ZNF341: variants seen among roughly 807,000 people sequenced by gnomAD.
ZNF341 encodes the protein zinc finger protein 341.
A neutral mutation model predicts 87.7 loss-of-function variants in ZNF341; 52 were observed. The ratio of observed to expected loss-of-function variants is 0.59; its 90% CI spans 0.47 to 0.75. The LOEUF (loss-of-function observed/expected upper bound fraction) is 0.75. Among genes scored for constraint, ZNF341 ranks in the 30% least tolerant of loss-of-function variants. The probability of loss-of-function intolerance (pLI) is 0.00; values close to 1 mark genes in which losing one functional copy is unlikely to be tolerated. For missense variants in ZNF341, 977 were observed against 1,145.9 expected (o/e 0.85, Z 2.13); for synonymous variants, 459 against 472.7 (o/e 0.97, Z 0.38).
At chr20:33,758,230 C>T (rs1001228677) in intron 6 of ZNF341, among the ~76,000 whole-genome samples, 1 of 152,088 alleles carries the variant, frequency 6.6e-6, no homozygotes, top group Non-Finnish European at 1.5e-5. Context: ...TAGGGAGAGG[C>T]TGGAAAATGA....
chr20:33,758,667 T>G (rs2122678937), intron 6 of ZNF341, 49 bp from the exon 7 acceptor site: 3 of 1,508,294 alleles, frequency 2.0e-6, no homozygotes, highest in Non-Finnish European at 2.8e-6. Context: ...CTTGGTGCCC[T>G]GAGCTGCACC....
chr20:33,772,408 C>T (rs2019551508), intron 10 of ZNF341, among the ~76,000 whole-genome samples: 1 of 152,150 alleles, frequency 6.6e-6, no homozygotes, highest in South Asian at 2.1e-4. Context: ...AATGAGGCCC[C>T]TGTAACTCCT....
intron 10 of ZNF341, among the ~76,000 whole-genome samples, chr20:33,780,164 G>T (rs980942840): frequency 6.6e-6 from 1 of 152,076 alleles, no homozygotes; most frequent in Non-Finnish European, 1.5e-5. Flanking sequence ...GGCACTGCCT[G>T]GGGAAGACTT....
At chr20:33,764,020 CTT>C (rs760255384) in intron 8 of ZNF341, among the ~76,000 whole-genome samples, 9 of 131,180 alleles carry the variant, frequency 6.9e-5, no homozygotes, top group Admixed American at 7.7e-5. Context: ...CCATCTCTCT[CTT>C]TTTTTTTTTT....
At chr20:33,735,789 A>T (rs949253040) in intron 1 of ZNF341, among the ~76,000 whole-genome samples, 1 of 151,842 alleles carries the variant, frequency 6.6e-6, no homozygotes, top group African/African-American at 2.4e-5. Flanking sequence ...CAGGGGCATC[A>T]CTCCAAGGAG....
chr20:33,745,136 A>T lies in ZNF341; in HGVS notation c.176A>T (p.Lys59Met). The change falls in exon 3 of 15, where the codon AAG (lysine) becomes ATG (methionine). Residue 59 changes from lysine to methionine, a missense_variant. Lys to Met is a moderately conservative substitution (Grantham distance 95). This residue lies in a region of ZNF341 where 515 missense variants were observed against 598.2 expected (regional missense o/e 0.86). Transcript: ENST00000375200. The stretch of plus-strand genomic sequence containing the variant: ...GATGTATTTCTCTGCGGGAAGTGTA[A>T]GAAGCAATTCAACTCGCTGCCAGCG... ...DEDVFLCGKC[K>M]KQFNSLPAFM... 2 of 1,613,680 alleles carry T rather than the reference A, an allele frequency of 1.2e-6. No individual in the cohort carries two copies. Among genetic ancestry groups the T allele is most frequent in the African/African-American group, 2.7e-5 (2 of 75,000 alleles).
chr20:33,742,266 G>A (rs945569617), intron 2 of ZNF341, among the ~76,000 whole-genome samples: 2 of 152,026 alleles, frequency 1.3e-5, no homozygotes, highest in Admixed American at 6.6e-5. Context: ...GCGCGATCTC[G>A]GCTCACTGCA....
chr20:33,757,292 C>G lies in ZNF341; in HGVS notation c.886C>G (p.Pro296Ala), dbSNP rs758928324. 8 of 1,600,658 alleles carry G rather than the reference C, an allele frequency of 5.0e-6. No homozygotes were observed. Among genetic ancestry groups the G allele is most frequent in the Non-Finnish European group, 6.8e-6 (8 of 1,174,506 alleles). Reference protein sequence around the residue: ...TGGTVATFDSPATLKTRRAKG... With the variant: ...TGGTVATFDSAATLKTRRAKG... ...GGGCACGGTGGCCACCTTTGACTCTCCAGCAACGCTGAAGACCCGACGAGC... is the reference window on the plus strand; with the variant it reads ...GGGCACGGTGGCCACCTTTGACTCTGCAGCAACGCTGAAGACCCGACGAGC... Residue 296 changes from proline (P) to alanine (A), a missense_variant, in exon 6 of 15, where the codon CCA becomes GCA. Around this residue, in one of 3 missense-constraint regions of ZNF341, gnomAD observed 515 missense variants for 598.2 expected, o/e 0.86. Coordinates refer to ENST00000375200, the MANE Select transcript of ZNF341 (RefSeq NM_001282933.2).
intron 7 of ZNF341, among the ~76,000 whole-genome samples, chr20:33,760,930 T>G (rs996036984): frequency 5.3e-5 from 8 of 152,210 alleles, no homozygotes; most frequent in African/African-American, 1.9e-4. Context: ...TTTTGTTTAC[T>G]TTATGATAAG....
In ZNF341 at chr20:33,791,236, A is replaced by G; in HGVS notation, c.2284A>G (p.Lys762Glu). ...CCGCAGTTGCGGCAGTGGTGGGCGC[A>G]AGGTGCTGACCCCCTTGCCTGACCC... ...APRSCGSGGR[K>E]VLTPLPDPLG... Residue 762 changes from lysine (K) to glutamate (E), a missense_variant, in exon 15 of 15, where the codon AAG (lysine) becomes GAG (glutamate). Around this residue, in one of 3 missense-constraint regions of ZNF341, gnomAD observed 221 missense variants for 212.7 expected, o/e 1.04. Coordinates refer to ENST00000375200, the MANE Select transcript of ZNF341 (RefSeq NM_001282933.2). 1 of 1,611,920 alleles carries G rather than the reference A, an allele frequency of 6.2e-7. No individual in the cohort carries two copies. Among genetic ancestry groups the G allele is most frequent in the Non-Finnish European group, 8.5e-7 (1 of 1,179,456 alleles).
At chr20:33,785,322 C>T (rs1419432092) in intron 12 of ZNF341, among the ~76,000 whole-genome samples, 1 of 151,974 alleles carries the variant, frequency 6.6e-6, no homozygotes, top group Non-Finnish European at 1.5e-5. Context: ...CTATTTTGTC[C>T]TTTTCAATTT....
chr20:33,757,300 G>A lies in ZNF341; in HGVS notation c.894G>A (p.Thr298=), dbSNP rs751943052. The part of the protein sequence containing the change: ...GTVATFDSPA[T]LKTRRAKGAR... ...TGGCCACCTTTGACTCTCCAGCAAC[G>A]CTGAAGACCCGACGAGCTAAAGGTG... Residue 298 remains threonine, a synonymous_variant, in exon 6 of 15, where the codon ACG becomes ACA. Coordinates refer to ENST00000375200, the MANE Select transcript of ZNF341 (RefSeq NM_001282933.2). The A allele has an allele frequency of 6.9e-6, 11 of 1,594,556 alleles. No individual in the cohort carries two copies. The highest frequency in any genetic ancestry group is 3.3e-4 in the Middle Eastern group (2 of 6,002).
chr20:33,791,794 G>A lies in ZNF341; in HGVS notation c.*277G>A, dbSNP rs2020043909. 5 of 413,172 alleles carry A rather than the reference G, an allele frequency of 1.2e-5. No individual in the cohort carries two copies. The highest frequency in any genetic ancestry group is 2.2e-5 in the Non-Finnish European group (5 of 231,892). The allele number at this position is 413,172 out of a possible 1,614,324, so 25.6% of individuals were successfully genotyped here. A position where few individuals can be genotyped will look rare whatever the true frequency, so the allele number is the denominator to read the frequency against. ...GAGAGAGATGGCTGAAGCCTGAGCA[G>A]CCCAGAGTCCCGCTGGTCTAGGCTG... On this transcript the variant is annotated 3_prime_UTR_variant, in exon 15 of 15. Transcript: ENST00000375200.
intron 10 of ZNF341, among the ~76,000 whole-genome samples, chr20:33,774,227 G>C (rs142426615): frequency 0.02 from 3,091 of 152,128 alleles, 102 homozygotes; most frequent in African/African-American, 0.07. Context: ...GGGAGGTGGA[G>C]GTTGCAGTGA....
chr20:33,748,827 G>T, intron 3 of ZNF341, 96 bp from the exon 4 acceptor site: 1 of 1,283,914 alleles, frequency 7.8e-7, no homozygotes, highest in Non-Finnish European at 1.1e-6. Flanking sequence ...CTTACTTACA[G>T]AGCCTGACAT....
rs1229933331 is a variant in ZNF341 at position 33,764,505 on chromosome 20, GTA to G, written c.1223-2336_1223-2335del. Among the ~76,000 whole-genome samples, 138 of 133,304 alleles carry G rather than the reference GTA, an allele frequency of 1.0e-3. 1 individual carries two copies. The highest frequency in any genetic ancestry group is 3.4e-3 in the African/African-American group (122 of 36,070). 87.5% of individuals were successfully genotyped at this position (133,304 alleles called of 152,430 possible). On this transcript the variant is annotated intron_variant, in intron 8 of 14. Transcript: ENST00000375200. ...TATGTGTGTATATATATATGTGTGT[GTA>G]TATATATATGTATATATATGTGTGT...
intron 9 of ZNF341, among the ~76,000 whole-genome samples, chr20:33,769,302 C>T (rs528730455): frequency 1.4e-5 from 2 of 145,204 alleles, no homozygotes; most frequent in Admixed American, 7.0e-5. Context: ...GAGGATTTCT[C>T]GTTAGTGATG....
intron 11 of ZNF341, among the ~76,000 whole-genome samples, chr20:33,781,693 T>G (rs1042406125): frequency 1.4e-5 from 2 of 146,878 alleles, no homozygotes; most frequent in African/African-American, 5.0e-5. Flanking sequence ...AATTGGCTCT[T>G]CTTTTTAATT....
At chr20:33,783,895 C>G in intron 12 of ZNF341, 31 bp downstream of exon 12, 1 of 1,597,876 alleles carries the variant, frequency 6.3e-7, no homozygotes, top group Non-Finnish European at 8.5e-7. Context: ...AACTCCAGCC[C>G]AGCCCCTCCC....
Sources: allele counts gnomAD v4.1 joint callset (sites outside exome capture counted in the v4.1 genomes callset), GRCh38; gene constraint gnomAD v4.1.1; regional missense constraint gnomAD v4.1.1; transcripts MANE v1.5; gene names NCBI Gene and HGNC (gene_info 2026-07-23, HGNC 2026-07-21).